The following PRKDC variants were observed in gnomAD, a reference collection of about 807,000 sequenced individuals.
PRKDC encodes the protein protein kinase, DNA-activated, catalytic subunit, also known as DNA-dependent protein kinase catalytic subunit.
Under a neutral mutation model 486.9 loss-of-function variants are expected in PRKDC, and 82 were observed. The ratio of observed to expected loss-of-function variants is 0.17; its 90% CI spans 0.14 to 0.20. The LOEUF is 0.20. Ranked by LOEUF, PRKDC falls within the 10% of genes least tolerant of loss-of-function variation. The probability of loss-of-function intolerance (pLI) is 1.00; values close to 1 mark genes in which losing one functional copy is unlikely to be tolerated. For synonymous variants in PRKDC, 1,895 were observed against 1,837.0 expected, an observed-to-expected ratio of 1.03 and a Z score of -0.81; for missense variants, 4,504 against 5,038.2, an observed-to-expected ratio of 0.89 and a Z score of 3.21.
In PRKDC at chr8:47,939,713, A is replaced by G. The variant is rs774182603; in HGVS notation, c.967-16T>C. 4.5e-6 allele frequency: 7 copies of G among 1,553,936 alleles called. No homozygotes were observed. The East Asian group carries it at 1.6e-4, about 35-fold the overall frequency. On this transcript the variant is annotated splice_polypyrimidine_tract_variant and intron_variant, in intron 10 of 85. Transcript: ENST00000314191. ...TATTAGAAACCTGCAAATACATAAT[A>G]TTTATTTTTTTGGAAATATTTAATA...
chr8:47,934,219 A>C (rs2154503716), intron 14 of PRKDC, 129 bp from the exon 15 acceptor site: 1 of 1,093,396 alleles, frequency 9.1e-7, no homozygotes, highest in East Asian at 2.5e-5. Flanking sequence ...TGATTAAGGA[A>C]GACATCGTAT....
At chr8:47,845,880 A>T (rs1288205548) in intron 54 of PRKDC, among the ~76,000 whole-genome samples, 1 of 152,190 alleles carries the variant, frequency 6.6e-6, no homozygotes, top group South Asian at 2.1e-4. Context: ...CACAATGAAA[A>T]AAGAAAACGT....
At chr8:47,930,620 C>T (rs2090234156) in intron 17 of PRKDC, 52 bp downstream of exon 17, 17 of 1,482,778 alleles carry the variant, frequency 1.1e-5, no homozygotes, top group Admixed American at 4.3e-5. Flanking sequence ...ATATTACAGC[C>T]AATAACTAAC....
At chr8:47,879,430 G>T in intron 39 of PRKDC, 61 bp downstream of exon 39, 1 of 1,413,588 alleles carries the variant, frequency 7.1e-7, no homozygotes. Flanking sequence ...TTTTCATCAA[G>T]ATATGTAACA....
chr8:47,945,216 CT>C (rs1239435371), intron 7 of PRKDC, among the ~76,000 whole-genome samples: 5 of 152,184 alleles, frequency 3.3e-5, no homozygotes, highest in Admixed American at 6.5e-5. Flanking sequence ...GGCCCACTCC[CT>C]GTAGAAGCAT....
chr8:47,883,673 C>G (rs953982233), intron 36 of PRKDC, among the ~76,000 whole-genome samples: 2 of 152,246 alleles, frequency 1.3e-5, no homozygotes, highest in East Asian at 3.8e-4. Context: ...ATTTCTGATG[C>G]CTATGCTTAA....
At chr8:47,873,672 C>A (rs1240200452) in intron 40 of PRKDC, among the ~76,000 whole-genome samples, 1 of 152,090 alleles carries the variant, frequency 6.6e-6, no homozygotes, top group Non-Finnish European at 1.5e-5. Flanking sequence ...ACTATCCAGC[C>A]ATCAAAAAGG....
chr8:47,949,381 A>C (rs2090590213), intron 7 of PRKDC, among the ~76,000 whole-genome samples: 1 of 152,214 alleles, frequency 6.6e-6, no homozygotes, highest in African/African-American at 2.4e-5. Flanking sequence ...GTGGCAGTTT[A>C]CTAATCTATA....
Position 47,898,508 on chromosome 8 carries a change from A to G in PRKDC, c.3426T>C (p.His1142=). The part of the protein sequence containing the change: ...DHLCRIIEKK[H]VSLNKAKKRR... ...GTTTCTTTGCTTTATTTAAAGAAAC[A>G]TGCTTCTTTTCAATGATGCGGCATA... is the stretch of plus-strand genomic sequence containing the variant. Residue 1142 remains histidine (H), a synonymous_variant, in exon 29 of 86, where the codon CAT becomes CAC. Coordinates refer to ENST00000314191, the MANE Select transcript of PRKDC (RefSeq NM_006904.7). The G allele has an allele frequency of 6.4e-7, 1 of 1,564,910 alleles. No individual in the cohort carries two copies. Among genetic ancestry groups the G allele is most frequent in the Non-Finnish European group, 8.7e-7 (1 of 1,149,322 alleles).
intron 16 of PRKDC, among the ~76,000 whole-genome samples, chr8:47,932,416 A>G (rs1248134802): frequency 6.6e-6 from 1 of 151,962 alleles, no homozygotes; most frequent in Non-Finnish European, 1.5e-5. Flanking sequence ...ACGGGGTTTC[A>G]TCGTGTTAGC....
intron 77 of PRKDC, 101 bp from the exon 78 acceptor site, chr8:47,783,910 T>C (rs1320583438): frequency 3.5e-6 from 4 of 1,153,858 alleles, no homozygotes; most frequent in Middle Eastern, 2.0e-4. Context: ...CAATCTAACA[T>C]GATAAAACCT....
intron 69 of PRKDC, among the ~76,000 whole-genome samples, chr8:47,806,775 G>GT (rs2087222667): frequency 6.6e-6 from 1 of 152,196 alleles, no homozygotes; most frequent in Non-Finnish European, 1.5e-5. Context: ...TGCTTTTCAA[G>GT]TAACAGCTAA....
At position 47,789,003 on chromosome 8, in the gene PRKDC, T is replaced by A. The variant is rs1415083288; in HGVS notation, c.10805A>T (p.Asn3602Ile). Reference protein sequence around the residue: ...VRAELAKTPVNKKNIEKMYER... With the variant: ...VRAELAKTPVIKKNIEKMYER... ...ATACATTTTTTCAATGTTTTTTTTA[T>A]TTACAGGGGTTTTTGCTAGTTCAGC... The change falls in exon 76 of 86, where the codon AAT (asparagine) becomes ATT (isoleucine). Residue 3602 changes from asparagine to isoleucine, a missense_variant. Coordinates refer to ENST00000314191, the MANE Select transcript of PRKDC (RefSeq NM_006904.7). 2 of 1,613,340 alleles carry A rather than the reference T, an allele frequency of 1.2e-6. No homozygotes were observed. Among genetic ancestry groups the A allele is most frequent in the African/African-American group, 2.7e-5 (2 of 74,890 alleles).
rs554445412 is a variant in PRKDC, at chr8:47,912,351, G to C, written c.2934+59C>G. Reference sequence around the variant, plus strand: ...TAATTCCACTGCTCTGCTGACCACTGAATTAGACAAACCAAACTTTTAGAA... The same window carrying C: ...TAATTCCACTGCTCTGCTGACCACTCAATTAGACAAACCAAACTTTTAGAA... On this transcript the variant is annotated intron_variant, in intron 25 of 85. Coordinates refer to ENST00000314191, the MANE Select transcript of PRKDC (RefSeq NM_006904.7). 1.2e-5 allele frequency: 17 copies of C among 1,462,472 alleles called. 1 individual carries two copies. The South Asian group carries it at 2.6e-4, about 22-fold the overall frequency. 90.6% of individuals were successfully genotyped at this position (1,462,472 alleles called of 1,614,324 possible).
chr8:47,946,106 G>C (rs1157958949), intron 7 of PRKDC, among the ~76,000 whole-genome samples: 2 of 152,034 alleles, frequency 1.3e-5, no homozygotes, highest in African/African-American at 4.8e-5. Flanking sequence ...AAGGTGGGCA[G>C]ATCACCTGAG....
intron 76 of PRKDC, 97 bp downstream of exon 76, chr8:47,788,809 G>GATTACATTTAATACAAATATT: frequency 8.6e-7 from 1 of 1,164,810 alleles, no homozygotes; most frequent in Non-Finnish European, 1.1e-6. Flanking sequence ...TTAAATTAAT[G>GATTACATTTAATACAAATATT]ATTACATTTA....
At chr8:47,776,806 G>A (rs756073706) in intron 85 of PRKDC, 38 bp downstream of exon 85, 5 of 1,610,132 alleles carry the variant, frequency 3.1e-6, no homozygotes, top group Non-Finnish European at 3.4e-6. Context: ...GTAGCATGTC[G>A]GTAGTCCGTT....
intron 73 of PRKDC, among the ~76,000 whole-genome samples, chr8:47,795,696 T>C: frequency 6.6e-6 from 1 of 151,686 alleles, no homozygotes; most frequent in African/African-American, 2.4e-5. Context: ...TTTCGCCACG[T>C]TGGCCAGACT....
rs549230210 is a variant in PRKDC at position 47,934,053 on chromosome 8, C to A, written c.1535G>T (p.Gly512Val). The A allele has an allele frequency of 3.5e-5, 56 of 1,613,588 alleles. No homozygotes were observed. Among genetic ancestry groups the A allele is most frequent in the Non-Finnish European group, 4.4e-5 (52 of 1,179,748 alleles). ...ESESEDHRASGEVRTGKWKVP... is the reference protein window; with the variant it reads ...ESESEDHRASVEVRTGKWKVP... Reference sequence around the variant, plus strand: ...CTTCCATTTGCCAGTTCTGACTTCCCCTGAAGCACGGTGGTCTTCAGATTC... The same window carrying A: ...CTTCCATTTGCCAGTTCTGACTTCCACTGAAGCACGGTGGTCTTCAGATTC... Residue 512 changes from glycine to valine, a missense_variant, in exon 15 of 86, where the codon GGG becomes GTG. Around this residue, in one of 6 missense-constraint regions of PRKDC, gnomAD observed 1,969 missense variants for 2,068.9 expected, o/e 0.95. Transcript: ENST00000314191.
Sources: gnomAD v4.1 joint callset for allele counts (sites outside exome capture counted in the v4.1 genomes callset) on GRCh38, gnomAD v4.1.1 for gene constraint, gnomAD v4.1.1 regional missense constraint, MANE v1.5 for transcripts, NCBI Gene and HGNC (gene_info 2026-07-23, HGNC 2026-07-21) for gene names.